Variants in HSP90AA1 observed in about 807,000 individuals in gnomAD.
The protein encoded by HSP90AA1 is heat shock protein 90 alpha family class A member 1, also known as heat shock protein HSP 90-alpha.
A neutral mutation model predicts 73.3 loss-of-function variants in HSP90AA1; 18 were observed. The observed-to-expected ratio is 0.25, with a 90% CI of 0.17 to 0.36. The LOEUF (loss-of-function observed/expected upper bound fraction) is 0.36, where lower values mean the gene tolerates loss of function less well. HSP90AA1 is among the 10% of genes least tolerant of loss of function. The pLI is 1.00. For missense variants in HSP90AA1, 704 were observed against 874.2 expected, an observed-to-expected ratio of 0.81 and a Z score of 2.45; for synonymous variants, 477 against 296.9, an observed-to-expected ratio of 1.61 and a Z score of -6.24.
intron 1 of HSP90AA1, among the ~76,000 whole-genome samples, chr14:102,135,783 C>G (rs2049985028): frequency 6.6e-6 from 1 of 152,240 alleles, no homozygotes; most frequent in Admixed American, 6.5e-5. Context: ...CCGGGGCCAG[C>G]AGGGCTGGCT....
upstream of HSP90AA1, among the ~76,000 whole-genome samples, chr14:102,087,600 C>G (rs999018907): frequency 1.3e-5 from 2 of 152,176 alleles, no homozygotes; most frequent in Non-Finnish European, 2.9e-5. Flanking sequence ...AAGAATCCAG[C>G]CGCAAGCGGC....
chr14:102,111,123 C>T (rs1320476983), intron 1 of HSP90AA1, among the ~76,000 whole-genome samples: 1 of 152,216 alleles, frequency 6.6e-6, no homozygotes, highest in Non-Finnish European at 1.5e-5. Context: ...GAAATTCAAG[C>T]TGGCTGCAGA....
intron 1 of HSP90AA1, among the ~76,000 whole-genome samples, chr14:102,117,721 AAAAG>A (rs1263222801): frequency 1.3e-5 from 2 of 152,164 alleles, no homozygotes; most frequent in African/African-American, 4.8e-5. Context: ...TGGCGAAACT[AAAAG>A]AACTGTAACA....
chr14:102,090,815 C>G (rs1035666781), upstream of HSP90AA1, among the ~76,000 whole-genome samples: 5 of 152,196 alleles, frequency 3.3e-5, no homozygotes, highest in Non-Finnish European at 7.3e-5. Context: ...ATTTGTTGAC[C>G]TCGTCCCACA....
intron 1 of HSP90AA1, among the ~76,000 whole-genome samples, chr14:102,114,053 C>G (rs747620928): frequency 6.6e-6 from 1 of 152,070 alleles, no homozygotes; most frequent in Middle Eastern, 3.4e-3. Context: ...GAGTCTCACT[C>G]TGTCATGCAG....
At chr14:102,132,959 CA>C (rs537502940) in intron 1 of HSP90AA1, among the ~76,000 whole-genome samples, 40 of 120,240 alleles carry the variant, frequency 3.3e-4, no homozygotes, top group South Asian at 5.1e-4. Flanking sequence ...GACTCTGTCT[CA>C]AAAAAAAAAA....
chr14:102,139,723 A>G (rs1465365678), upstream of HSP90AA1: 10 of 792,358 alleles, frequency 1.3e-5, no homozygotes, highest in Middle Eastern at 3.8e-4. Context: ...CGGGTGGAGC[A>G]CGCCAGGTGA....
intron 1 of HSP90AA1, among the ~76,000 whole-genome samples, chr14:102,112,568 T>C (rs2049655406): frequency 6.6e-6 from 1 of 152,142 alleles, no homozygotes; most frequent in South Asian, 2.1e-4. Flanking sequence ...AATCTTGAAC[T>C]CCTGGGCTCA....
rs1437943871 is a variant in HSP90AA1 at position 102,082,095 on chromosome 14, A to G, written c.2089+16T>C. 3 of 1,526,830 alleles carry G rather than the reference A, an allele frequency of 2.0e-6. No homozygotes were observed. Among genetic ancestry groups the G allele is most frequent in the East Asian group, 2.3e-5 (1 of 44,430 alleles). The allele number at this position is 1,526,830 out of a possible 1,614,324, so 94.6% of individuals were successfully genotyped here. ...GTGTTTATTTTCTTTTTAACATTACATAGTATAAGGCTTACCCAGACCAAG... is the reference window on the plus strand; with the variant it reads ...GTGTTTATTTTCTTTTTAACATTACGTAGTATAAGGCTTACCCAGACCAAG... On this transcript the variant is annotated intron_variant, in intron 10 of 10. Coordinates refer to ENST00000216281, the MANE Select transcript of HSP90AA1 (RefSeq NM_005348.4).
At chr14:102,082,782 G>GTTTAT in intron 9 of HSP90AA1, 1 of 515,232 alleles carries the variant, frequency 1.9e-6, no homozygotes, top group South Asian at 2.1e-5. Flanking sequence ...ACCACGCCTG[G>GTTTAT]TTTATTTTTT....
At chr14:102,132,134 C>G (rs568600050) in intron 1 of HSP90AA1, among the ~76,000 whole-genome samples, 1 of 152,030 alleles carries the variant, frequency 6.6e-6, no homozygotes, top group Admixed American at 6.6e-5. Flanking sequence ...TTTGGGAGGC[C>G]GAGACGGGCA....
chr14:102,094,084 CTA>C (rs943109546), intron 2 of HSP90AA1, among the ~76,000 whole-genome samples: 3 of 152,166 alleles, frequency 2.0e-5, no homozygotes, highest in African/African-American at 7.2e-5. Flanking sequence ...CATTGAGTAA[CTA>C]TAAAATCGGG....
At chr14:102,089,517 T>C (rs923218423), upstream of HSP90AA1, among the ~76,000 whole-genome samples, 1 of 152,222 alleles carries the variant, frequency 6.6e-6, no homozygotes, top group Non-Finnish European at 1.5e-5. Flanking sequence ...TGGCTGTTCC[T>C]TCTCTCTTCT....
chr14:102,137,249 A>G (rs780012295), intron 1 of HSP90AA1, among the ~76,000 whole-genome samples: 4 of 151,750 alleles, frequency 2.6e-5, no homozygotes, highest in African/African-American at 9.7e-5. Flanking sequence ...TCAAAAAAAA[A>G]ATTTTTTTTT....
chr14:102,117,915 C>T (rs1385422366), intron 1 of HSP90AA1, among the ~76,000 whole-genome samples: 1 of 152,206 alleles, frequency 6.6e-6, no homozygotes, highest in Non-Finnish European at 1.5e-5. Context: ...GGCACCACTG[C>T]ATTCCCCAGT....
chr14:102,090,554 A>G (rs1451797744), upstream of HSP90AA1, among the ~76,000 whole-genome samples: 1 of 151,138 alleles, frequency 6.6e-6, no homozygotes, highest in South Asian at 2.1e-4. Flanking sequence ...GGTTCACGCC[A>G]TTCTCCTACT....
upstream of HSP90AA1, chr14:102,087,203 G>A (rs928814745): frequency 2.6e-5 from 25 of 977,808 alleles, no homozygotes; most frequent in Admixed American, 6.2e-5. Flanking sequence ...CCGCCCCCGC[G>A]CCTTCCTGCG....
intron 1 of HSP90AA1, among the ~76,000 whole-genome samples, chr14:102,128,619 ACTCCGT>A (rs1300952547): frequency 7.4e-6 from 1 of 134,958 alleles, no homozygotes; most frequent in Non-Finnish European, 1.6e-5. Flanking sequence ...TAAGAGCAAA[ACTCCGT>A]CTCGGAAAAA....
chr14:102,090,884 G>A (rs947240368), upstream of HSP90AA1, among the ~76,000 whole-genome samples: 2 of 152,232 alleles, frequency 1.3e-5, no homozygotes, highest in Non-Finnish European at 2.9e-5. Flanking sequence ...AGCTTTCAGT[G>A]TCCCTCAGTA....
Sources: allele counts gnomAD v4.1 joint callset (sites outside exome capture counted in the v4.1 genomes callset), GRCh38; gene constraint gnomAD v4.1.1; transcripts MANE v1.5; gene names NCBI Gene and HGNC (gene_info 2026-07-23, HGNC 2026-07-21).